ZNF124: variants seen among roughly 807,000 people sequenced by gnomAD.
The protein encoded by ZNF124 is zinc finger protein 124.
Under a neutral mutation model 26.6 loss-of-function variants are expected in ZNF124, and 25 were observed. That is an observed-to-expected ratio of 0.94 (90% CI 0.68 to 1.31). The LOEUF is 1.31. Ranked by LOEUF, ZNF124 falls within the 40% of genes most tolerant of loss-of-function variation. The pLI is 0.00. For missense variants in ZNF124, 444 were observed against 422.2 expected, an observed-to-expected ratio of 1.05 and a Z score of -0.45; for synonymous variants, 129 against 133.3, an observed-to-expected ratio of 0.97 and a Z score of 0.22.
chr1:247,160,545 G>A (rs1241745227), intron 1 of ZNF124, among the ~76,000 whole-genome samples: 1 of 152,152 alleles, frequency 6.6e-6, no homozygotes, highest in Non-Finnish European at 1.5e-5. Context: ...CATTTTAAGA[G>A]GCATCCCAAC....
intron 1 of ZNF124, among the ~76,000 whole-genome samples, chr1:247,160,325 A>G (rs1673411609): frequency 6.6e-6 from 1 of 152,222 alleles, no homozygotes; most frequent in Admixed American, 6.5e-5. Context: ...GCAAGGCAGC[A>G]GCAGAGAAGG....
At chr1:247,137,475 C>T (rs1672510948) in intron 3 of ZNF124, among the ~76,000 whole-genome samples, 1 of 93,054 alleles carries the variant, frequency 1.1e-5, no homozygotes, top group Non-Finnish European at 2.0e-5. Flanking sequence ...AACCCTGTCT[C>T]TACTAAAAAT....
intron 3 of ZNF124, among the ~76,000 whole-genome samples, chr1:247,126,064 C>G (rs186557107): frequency 2.0e-5 from 3 of 152,250 alleles, no homozygotes; most frequent in African/African-American, 7.2e-5. Context: ...AAGTTCGAGA[C>G]CAGCCTGACC....
In ZNF124 at chr1:247,168,540, AAAAC is replaced by A. The variant is rs151316409; in HGVS notation, c.30+3304_30+3307del. Among the ~76,000 whole-genome samples, 8,702 of 152,290 alleles carry A rather than the reference AAAAC, an allele frequency of 0.057. 301 individuals carry two copies. The highest frequency in any genetic ancestry group is 0.085 in the African/African-American group (3,527 of 41,542). ...CAGAGTGAGACTCTGTCTCAATTAA[AAAAC>A]AAACAAACAAAAACACTTGCACACG... is the stretch of plus-strand genomic sequence containing the variant. On this transcript the variant is annotated intron_variant, in intron 1 of 3. Coordinates refer to ENST00000543802, the MANE Select transcript of ZNF124 (RefSeq NM_001297568.2). The surrounding 1 kb of genome is among the most constrained non-coding windows in gnomAD (Gnocchi z 4.0).
chr1:247,166,792 TACA>T (rs895859000), intron 1 of ZNF124, among the ~76,000 whole-genome samples: 4 of 152,202 alleles, frequency 2.6e-5, no homozygotes, highest in African/African-American at 7.2e-5. Flanking sequence ...GGACAGACAC[TACA>T]ACAAGCTACA....
Position 247,155,636 on chromosome 1 carries a change from C to T in ZNF124, c.*930G>A, listed in dbSNP as rs181875950. 1.5e-4 allele frequency among the ~76,000 whole-genome samples: 23 copies of T among 151,974 alleles called. No individual in the cohort carries two copies. The highest frequency in any genetic ancestry group is 3.3e-4 in the Admixed American group (5 of 15,258). On this transcript the variant is annotated 3_prime_UTR_variant, in exon 4 of 4. Transcript: ENST00000543802. ...CAGCACTTTGGGAGGCTGAAGCGGG[C>T]GGATCACGAGGTCAGGAGATTGAGA...
intron 3 of ZNF124, among the ~76,000 whole-genome samples, chr1:247,137,677 AC>A (rs1672520329): frequency 6.6e-6 from 1 of 152,074 alleles, no homozygotes; most frequent in African/African-American, 2.4e-5. Context: ...CAGGCAACCT[AC>A]AAAATGGGAG....
rs931568428 is a variant in ZNF124, at chr1:247,123,610, C to T, written c.*258G>A. 7.8e-5 allele frequency: 36 copies of T among 459,880 alleles called. 1 individual carries two copies. Among genetic ancestry groups the T allele is most frequent in the Admixed American group, 1.9e-4 (5 of 26,488 alleles). 28.5% of individuals were successfully genotyped at this position (459,880 alleles called of 1,614,324 possible). On this transcript the variant is annotated 3_prime_UTR_variant, in exon 4 of 4. Coordinates refer to the ZNF124 transcript ENST00000472531. Reference sequence around the variant, plus strand: ...GGTTATTCCAAGTTCTTCCAAGATGCGTCAGAAGCATTCTCTGGAGGCAGT... The same window carrying T: ...GGTTATTCCAAGTTCTTCCAAGATGTGTCAGAAGCATTCTCTGGAGGCAGT...
rs748204417 is a variant in ZNF124, at chr1:247,147,874, C to T, written c.218+11132G>A. On this transcript the variant is annotated intron_variant, in intron 3 of 3. Transcript: ENST00000472531. The stretch of plus-strand genomic sequence containing the variant: ...AACACAAGAAGACATTGAGTTAGCC[C>T]CAAAGGCCCCACCTCCATTGTTTTG... Among the ~76,000 whole-genome samples the T allele has an allele frequency of 4.6e-5, 7 of 152,098 alleles. No homozygotes were observed. The South Asian group carries it at 1.5e-3, about 32-fold the overall frequency.
chr1:247,163,558 T>C (rs1673614929), intron 1 of ZNF124, among the ~76,000 whole-genome samples: 1 of 151,226 alleles, frequency 6.6e-6, no homozygotes, highest in Non-Finnish European at 1.5e-5. Context: ...AATACATTCC[T>C]GGAAACAAAA....
At position 247,157,296 on chromosome 1, in the gene ZNF124, A is replaced by T; in HGVS notation, c.326T>A (p.Val109Asp). The T allele has an allele frequency of 6.2e-7, 1 of 1,603,882 alleles. No homozygotes were observed. The highest frequency in any genetic ancestry group is 8.5e-7 in the Non-Finnish European group (1 of 1,174,016). The part of the protein sequence containing the change: ...CQKTSLSVTR[V>D]HRDTVMHTGN... ...AGTGTGCATTACTGTGTCTCTGTGA[A>T]CCCTTGTGACAGAAAGGGAAGTTTT... The change falls in exon 4 of 4, where the codon GTT (valine) becomes GAT (aspartate). Residue 109 changes from valine to aspartate, a missense_variant. Val to Asp is a radical substitution (Grantham distance 152, BLOSUM62 -3). Transcript: ENST00000543802.
At chr1:247,140,080 T>G (rs1456763534) in intron 3 of ZNF124, among the ~76,000 whole-genome samples, 1 of 152,254 alleles carries the variant, frequency 6.6e-6, no homozygotes, top group Non-Finnish European at 1.5e-5. Context: ...TATCCTAGAA[T>G]GTTTTCCAAC....
At chr1:247,159,247 C>T (rs1673339425) in intron 2 of ZNF124, among the ~76,000 whole-genome samples, 181 bp from the exon 3 acceptor site, 1 of 152,114 alleles carries the variant, frequency 6.6e-6, no homozygotes, top group Non-Finnish European at 1.5e-5. Flanking sequence ...AGATTAATGT[C>T]CTTGCTTGGG....
chr1:247,162,955 C>T (rs954798198), intron 1 of ZNF124, among the ~76,000 whole-genome samples: 5 of 152,130 alleles, frequency 3.3e-5, no homozygotes, highest in Non-Finnish European at 7.4e-5. Flanking sequence ...ACCTACAGAA[C>T]TCTTCACCAA....
At chr1:247,152,564 T>G (rs1319962781), downstream of ZNF124, among the ~76,000 whole-genome samples, 2 of 152,192 alleles carry the variant, frequency 1.3e-5, no homozygotes, top group African/African-American at 2.4e-5. Flanking sequence ...AGTACAGTGA[T>G]ATGTTAAATA....
chr1:247,140,835 A>G (rs973617477), intron 3 of ZNF124, among the ~76,000 whole-genome samples: 5 of 152,134 alleles, frequency 3.3e-5, no homozygotes, highest in Admixed American at 6.5e-5. Context: ...TGGCTCCCCT[A>G]TATTTTCTGA....
chr1:247,135,540 G>A (rs1319851194), intron 3 of ZNF124, among the ~76,000 whole-genome samples: 1 of 152,064 alleles, frequency 6.6e-6, no homozygotes, highest in Non-Finnish European at 1.5e-5. Flanking sequence ...GTAATTAATA[G>A]CCTACCAATC....
chr1:247,142,262 A>G (rs1248949916), intron 3 of ZNF124, among the ~76,000 whole-genome samples: 1 of 152,230 alleles, frequency 6.6e-6, no homozygotes, highest in African/African-American at 2.4e-5. Context: ...CAGCAGTGAC[A>G]ACTTTAGACA....
Position 247,156,570 on chromosome 1 carries a change from A to T in ZNF124, c.1052T>A (p.Met351Lys), listed in dbSNP as rs377044407. Residue 351 changes from methionine (M) to lysine (K), a missense_variant, in exon 4 of 4, where the codon ATG (methionine) becomes AAG (lysine). Physicochemically the swap from Met to Lys is moderately conservative, Grantham distance 95. Coordinates refer to ENST00000543802, the MANE Select transcript of ZNF124 (RefSeq NM_001297568.2). ...TGEKPYKCKK[M>K] ...AAACTGTAGTGATTAAAGCCTTTAC[A>T]TTTTTTTACATTTATAGGGCTTTTC... 5.2e-6 allele frequency: 8 copies of T among 1,528,832 alleles called. No homozygotes were observed. In the African/African-American group the frequency reaches 8.4e-5, roughly 16 times the overall value. The allele number at this position is 1,528,832 out of a possible 1,614,324, so 94.7% of individuals were successfully genotyped here.
Sources: allele counts gnomAD v4.1 joint callset (sites outside exome capture counted in the v4.1 genomes callset), GRCh38; gene constraint gnomAD v4.1.1; non-coding constraint Gnocchi (gnomAD v3.1); transcripts MANE v1.5; gene names NCBI Gene and HGNC (gene_info 2026-07-23, HGNC 2026-07-21).